The following WDR47 variants were observed in gnomAD, a reference collection of about 807,000 sequenced individuals.
WDR47 encodes WD repeat-containing protein 47.
Under a neutral mutation model 97.2 loss-of-function variants are expected in WDR47, and 32 were observed. The observed-to-expected ratio is 0.33, with a 90% CI of 0.25 to 0.44. The LOEUF is 0.44. Among genes scored for constraint, WDR47 ranks in the 20% least tolerant of loss-of-function variants. The pLI, the probability that WDR47 is intolerant of heterozygous loss-of-function variation, is 1.00. For synonymous variants in WDR47, 375 were observed against 373.5 expected, an observed-to-expected ratio of 1.00 and a Z score of -0.05; for missense variants, 782 against 1,102.3, an observed-to-expected ratio of 0.71 and a Z score of 4.11.
intron 13 of WDR47, among the ~76,000 whole-genome samples, chr1:108,979,552 CAAAAG>C (rs1483023978): frequency 1.3e-5 from 2 of 151,372 alleles, no homozygotes; most frequent in Non-Finnish European, 2.9e-5. Flanking sequence ...AAAAACAAAA[CAAAAG>C]AAAAGATGCA....
intron 13 of WDR47, 74 bp downstream of exon 13, chr1:108,981,659 G>A: frequency 1.4e-6 from 2 of 1,405,578 alleles, no homozygotes; most frequent in Non-Finnish European, 9.6e-7. Context: ...TTTTTATATT[G>A]CAGGGGAGAA....
intron 8 of WDR47, chr1:108,992,152 TA>T: frequency 1.6e-6 from 1 of 626,564 alleles, no homozygotes; most frequent in Non-Finnish European, 2.8e-6. Context: ...AACAGATTAA[TA>T]AGGAAACAAG....
At chr1:109,023,118 G>A (rs924520539) in intron 2 of WDR47, among the ~76,000 whole-genome samples, 9 of 151,748 alleles carry the variant, frequency 5.9e-5, no homozygotes, top group African/African-American at 2.2e-4. Context: ...CAGGAGAATG[G>A]CGTGAACCCG....
At position 108,971,281 on chromosome 1, in the gene WDR47, A is replaced by T; in HGVS notation, c.*149T>A. On this transcript the variant is annotated 3_prime_UTR_variant, in exon 15 of 15. Coordinates refer to ENST00000369962, the MANE Select transcript of WDR47 (RefSeq NM_001142551.2). ...GCACTGCGGAATAACACCACCCAAC[A>T]CCTCCTATCAGTGGGATACATGGTA... 9.4e-7 allele frequency: 1 copy of T among 1,067,256 alleles called. No homozygotes were observed. 66.1% of individuals were successfully genotyped at this position (1,067,256 alleles called of 1,614,324 possible). A position where few individuals can be genotyped will look rare whatever the true frequency, so the allele number is the denominator to read the frequency against.
intron 1 of WDR47, among the ~76,000 whole-genome samples, chr1:109,032,221 C>T (rs1662647989): frequency 1.4e-5 from 2 of 139,284 alleles, no homozygotes; most frequent in African/African-American, 2.6e-5. Flanking sequence ...ATGATAAAAA[C>T]GATTTTCTGG....
chr1:109,009,382 G>GA, intron 5 of WDR47, among the ~76,000 whole-genome samples: 1 of 152,146 alleles, frequency 6.6e-6, no homozygotes, highest in Non-Finnish European at 1.5e-5. Flanking sequence ...AGGTTTGAAG[G>GA]AAAAACTGAA....
intron 3 of WDR47, among the ~76,000 whole-genome samples, chr1:109,014,498 G>C (rs539429080): frequency 2.6e-5 from 4 of 151,624 alleles, no homozygotes; most frequent in African/African-American, 9.7e-5. Context: ...ACAGTGGCAT[G>C]ATCACAGCTC....
At chr1:109,031,226 C>T (rs1196117311) in intron 1 of WDR47, among the ~76,000 whole-genome samples, 3 of 139,982 alleles carry the variant, frequency 2.1e-5, no homozygotes, top group Non-Finnish European at 4.8e-5. Flanking sequence ...GCAGCACGTG[C>T]CCCTGCTTAC....
intron 7 of WDR47, among the ~76,000 whole-genome samples, chr1:109,001,325 AAAT>A (rs1435680532): frequency 1.4e-5 from 2 of 147,396 alleles, no homozygotes; most frequent in Non-Finnish European, 2.9e-5. Flanking sequence ...TAATTAAATA[AAAT>A]AATAAAAAAT....
intron 7 of WDR47, among the ~76,000 whole-genome samples, chr1:108,997,759 C>CAA (rs35471904): frequency 0.037 from 3,763 of 100,872 alleles, 151 homozygotes; most frequent in East Asian, 0.11. Flanking sequence ...GACTCCATCT[C>CAA]AAAAAAAAAA....
At chr1:109,032,653 T>C (rs1279064193) in intron 1 of WDR47, among the ~76,000 whole-genome samples, 5 of 150,756 alleles carry the variant, frequency 3.3e-5, no homozygotes, top group Non-Finnish European at 7.4e-5. Context: ...ATCCCAGCAC[T>C]TTGGGAGGCC....
rs2101762815 is a variant in WDR47, at chr1:108,971,352, C to A, written c.*78G>T. 1 of 1,580,584 alleles carries A rather than the reference C, an allele frequency of 6.3e-7. No individual in the cohort carries two copies. Among genetic ancestry groups the A allele is most frequent in the Non-Finnish European group, 8.6e-7 (1 of 1,158,732 alleles). ...AAACCACTTTCCTGGACACTATGTT[C>A]TTCAGATTTGTAATTTTCACAACTC... is the stretch of plus-strand genomic sequence containing the variant. On this transcript the variant is annotated 3_prime_UTR_variant, in exon 15 of 15. Transcript: ENST00000369962.
At chr1:109,003,983 G>A (rs1017916471) in intron 6 of WDR47, among the ~76,000 whole-genome samples, 1 of 152,036 alleles carries the variant, frequency 6.6e-6, no homozygotes, top group East Asian at 1.9e-4. Context: ...TAAACTAGCC[G>A]GCCGGGCGCG....
chr1:109,032,590 C>A (rs1662678742), intron 1 of WDR47, among the ~76,000 whole-genome samples: 2 of 151,246 alleles, frequency 1.3e-5, no homozygotes, highest in African/African-American at 4.9e-5. Flanking sequence ...AAATTGTCAA[C>A]TTTGACACTA....
chr1:108,982,546 A>G, intron 12 of WDR47, 63 bp downstream of exon 12: 1 of 1,523,488 alleles, frequency 6.6e-7, no homozygotes, highest in Non-Finnish European at 8.8e-7. Context: ...GAAAATGCAG[A>G]GAGGAAAAAA....
At chr1:109,034,100 C>T (rs569139463) in intron 1 of WDR47, among the ~76,000 whole-genome samples, 1 of 152,172 alleles carries the variant, frequency 6.6e-6, no homozygotes, top group Admixed American at 6.6e-5. Flanking sequence ...ATCAGCCTGA[C>T]CAACATGGTG....
chr1:109,020,785 G>A (rs930643107), intron 2 of WDR47, among the ~76,000 whole-genome samples: 1 of 151,948 alleles, frequency 6.6e-6, no homozygotes, highest in Non-Finnish European at 1.5e-5. Flanking sequence ...ATAGGGAAGT[G>A]CAACAAGTTT....
At position 108,982,777 on chromosome 1, in the gene WDR47, G is replaced by A; in HGVS notation, c.2098C>T (p.Pro700Ser). The change falls in exon 12 of 15, where the codon CCA becomes TCA. Residue 700 changes from proline to serine, a missense_variant and splice_region_variant. Pro to Ser is a moderately conservative substitution (Grantham distance 74, BLOSUM62 -1). Transcript: ENST00000369962. ...FNAETCNATG[P>S]DLEFSMHDGT... is the part of the protein sequence containing the mutation. ...TCATGCATACTAAATTCCAGATCTG[G>A]TCCTGAAACAGTAGTAAGAATTAAA... The A allele has an allele frequency of 1.3e-6, 2 of 1,598,410 alleles. No individual in the cohort carries two copies. The highest frequency in any genetic ancestry group is 1.7e-6 in the Non-Finnish European group (2 of 1,175,972).
At chr1:109,036,836 A>T (rs1662988864) in intron 1 of WDR47, among the ~76,000 whole-genome samples, 2 of 152,056 alleles carry the variant, frequency 1.3e-5, no homozygotes, top group Admixed American at 1.3e-4. Flanking sequence ...ACTCCATCTC[A>T]AAATAAATAA....
Sources: gnomAD v4.1 joint callset for allele counts (sites outside exome capture counted in the v4.1 genomes callset) on GRCh38, gnomAD v4.1.1 for gene constraint, MANE v1.5 for transcripts, NCBI Gene and HGNC (gene_info 2026-07-23, HGNC 2026-07-21) for gene names.